Variants in GUCY2C observed in about 807,000 individuals in gnomAD.
GUCY2C encodes guanylyl cyclase C.
In GUCY2C, 118 loss-of-function variants were observed where a neutral mutation model predicts 131.1. The observed-to-expected ratio is 0.90, with a 90% CI of 0.78 to 1.05. The LOEUF is 1.05. Ranked by LOEUF, GUCY2C falls within the 50% of genes least tolerant of loss-of-function variation. The pLI is 0.00. For missense variants in GUCY2C, 1,161 were observed against 1,304.4 expected (o/e 0.89, Z 1.69); for synonymous variants, 452 against 457.8 (o/e 0.99, Z 0.16).
chr12:14,628,784 AAATC>A, intron 19 of GUCY2C, 47 bp from the exon 20 acceptor site: 1 of 902,788 alleles, frequency 1.1e-6, no homozygotes, highest in Non-Finnish European at 1.9e-6. Flanking sequence ...ATAGTAAACT[AAATC>A]AAGAGAGAAT....
At chr12:14,633,773 A>G (rs890467767) in intron 19 of GUCY2C, among the ~76,000 whole-genome samples, 2 of 152,032 alleles carry the variant, frequency 1.3e-5, no homozygotes, top group East Asian at 3.9e-4. Flanking sequence ...AACACAAGAT[A>G]TATTGGAAAG....
intron 19 of GUCY2C, among the ~76,000 whole-genome samples, chr12:14,634,641 A>G (rs1947222137): frequency 2.6e-5 from 4 of 152,240 alleles, no homozygotes; most frequent in African/African-American, 7.2e-5. Flanking sequence ...AAATGGATCA[A>G]AATTTTTCAC....
At chr12:14,675,226 A>G (rs1229924473) in intron 7 of GUCY2C, among the ~76,000 whole-genome samples, 1 of 144,112 alleles carries the variant, frequency 6.9e-6, no homozygotes, top group Non-Finnish European at 1.5e-5. Flanking sequence ...AAAAAAAAAA[A>G]AAAGAAAAAA....
At chr12:14,692,023 C>T (rs145959240) in intron 1 of GUCY2C, among the ~76,000 whole-genome samples, 30 of 152,208 alleles carry the variant, frequency 2.0e-4, no homozygotes, top group African/African-American at 6.7e-4. Context: ...CAAGTAGTAG[C>T]GCAGGGATTT....
intron 2 of GUCY2C, among the ~76,000 whole-genome samples, chr12:14,687,218 CAG>C (rs1271838111): frequency 2.0e-5 from 3 of 152,174 alleles, no homozygotes; most frequent in Non-Finnish European, 2.9e-5. Flanking sequence ...TGACTTGAAA[CAG>C]AGATTTCTGG....
chr12:14,651,544 AG>A (rs763422622), intron 14 of GUCY2C, 33 bp from the exon 15 acceptor site: 8 of 1,143,414 alleles, frequency 7.0e-6, no homozygotes, highest in Non-Finnish European at 1.1e-5. Context: ...AAAGCAAATT[AG>A]GCAGAATGGG....
At chr12:14,652,270 G>A (rs1000580891) in intron 13 of GUCY2C, among the ~76,000 whole-genome samples, 11 of 152,088 alleles carry the variant, frequency 7.2e-5, no homozygotes, top group Admixed American at 7.2e-4. Context: ...TGCCTCCTGG[G>A]TTCAAGCAAT....
At chr12:14,696,055 G>A (rs1387453310) in intron 1 of GUCY2C, among the ~76,000 whole-genome samples, 177 bp downstream of exon 1, 1 of 152,196 alleles carries the variant, frequency 6.6e-6, no homozygotes, top group East Asian at 1.9e-4. Context: ...AGTGAGCACA[G>A]CATAATAGGG....
intron 23 of GUCY2C, among the ~76,000 whole-genome samples, chr12:14,620,292 C>A (rs923065098): frequency 6.6e-6 from 1 of 152,198 alleles, no homozygotes; most frequent in Non-Finnish European, 1.5e-5. Context: ...GAGCTTCAGC[C>A]AGTCACAGGC....
chr12:14,628,837 A>C (rs1947080329), intron 19 of GUCY2C, 100 bp from the exon 20 acceptor site: 3 of 738,452 alleles, frequency 4.1e-6, no homozygotes, highest in African/African-American at 1.8e-5. Flanking sequence ...GGCAAGGAAT[A>C]GTTTAAAAAT....
chr12:14,623,297 A>G (rs1441060554), intron 21 of GUCY2C, among the ~76,000 whole-genome samples: 1 of 152,178 alleles, frequency 6.6e-6, no homozygotes, highest in Non-Finnish European at 1.5e-5. Context: ...TGACTGCAAC[A>G]AAGGAGGTGG....
chr12:14,648,431 ACT>A (rs1035123543), intron 15 of GUCY2C, among the ~76,000 whole-genome samples: 6 of 152,192 alleles, frequency 3.9e-5, no homozygotes, highest in Admixed American at 1.3e-4. Flanking sequence ...ATCAGAAAAG[ACT>A]CTACAGAAAC....
At chr12:14,682,987 T>C in intron 4 of GUCY2C, 55 bp downstream of exon 4, 4 of 1,223,320 alleles carry the variant, frequency 3.3e-6, no homozygotes, top group Non-Finnish European at 4.8e-6. Context: ...GCCTGCATGA[T>C]CCTATGGCTT....
intron 26 of GUCY2C, chr12:14,614,394 G>A (rs1946714035): frequency 6.3e-6 from 1 of 158,856 alleles, no homozygotes; most frequent in Admixed American, 6.5e-5. Flanking sequence ...ATGCAGATAA[G>A]GCATTTAAAA....
In GUCY2C at chr12:14,681,345, T is replaced by G. The variant is rs774495459; in HGVS notation, c.733+11A>C. On this transcript the variant is annotated intron_variant, in intron 5 of 26. Coordinates refer to ENST00000261170, the MANE Select transcript of GUCY2C (RefSeq NM_004963.4). ...AGTTAGCAAAAAACAATTATCTTCA[T>G]GTCTTCTTACCATTGCTTTTCCTGT... is the stretch of plus-strand genomic sequence containing the variant. 4 of 1,611,204 alleles carry G rather than the reference T, an allele frequency of 2.5e-6. No individual in the cohort carries two copies. The highest frequency in any genetic ancestry group is 1.7e-5 in the Admixed American group (1 of 59,722).
intron 17 of GUCY2C, among the ~76,000 whole-genome samples, chr12:14,643,046 TTTATG>T: frequency 6.6e-6 from 1 of 152,306 alleles, no homozygotes; most frequent in East Asian, 1.9e-4. Flanking sequence ...ATCCGTTTTC[TTTATG>T]TTATCTTTTT....
Position 14,686,388 on chromosome 12 carries a change from A to T in GUCY2C, c.331-163T>A, listed in dbSNP as rs117409471. The stretch of plus-strand genomic sequence containing the variant: ...GGTGCCTTGGTCTGGACAAGGATCA[A>T]CTGAGGCATGGAGAGGTTCGAGAGG... On this transcript the variant is annotated intron_variant, in intron 2 of 26. Coordinates refer to ENST00000261170, the MANE Select transcript of GUCY2C (RefSeq NM_004963.4). Among the ~76,000 whole-genome samples, 42 of 152,342 alleles carry T rather than the reference A, an allele frequency of 2.8e-4. No individual in the cohort carries two copies. In the East Asian group the frequency reaches 5.6e-3, roughly 20 times the overall value.
At position 14,625,896 on chromosome 12, in the gene GUCY2C, T is replaced by A; in HGVS notation, c.2269A>T (p.Asn757Tyr). The A allele has an allele frequency of 6.2e-7, 1 of 1,613,240 alleles. No individual in the cohort carries two copies. The highest frequency in any genetic ancestry group is 8.5e-7 in the Non-Finnish European group (1 of 1,179,234). The change falls in exon 21 of 27, where the codon AAT (asparagine) becomes TAT (tyrosine). Residue 757 changes from asparagine (N) to tyrosine (Y), a missense_variant. Asn to Tyr is a moderately radical substitution (Grantham distance 143, BLOSUM62 -2). Coordinates refer to ENST00000261170, the MANE Select transcript of GUCY2C (RefSeq NM_004963.4). ...ATCAAGGTATCCATATAGCTTTCAT[T>A]TTTTTGGTCATGAAAAAGTCTGTAG... ...KIFGLFHDQKNESYMDTLIRR... is the reference protein window; with the variant it reads ...KIFGLFHDQKYESYMDTLIRR...
At chr12:14,619,136 G>C (rs1946841977) in intron 24 of GUCY2C, 75 bp downstream of exon 24, 1 of 816,804 alleles carries the variant, frequency 1.2e-6, no homozygotes, top group Non-Finnish European at 2.1e-6. Flanking sequence ...TCCTTATTGT[G>C]CATTTTATCT....
Sources: gnomAD v4.1 joint callset for allele counts (sites outside exome capture counted in the v4.1 genomes callset) on GRCh38, gnomAD v4.1.1 for gene constraint, MANE v1.5 for transcripts, NCBI Gene and HGNC (gene_info 2026-07-23, HGNC 2026-07-21) for gene names.